Variants in NCAM2 observed in about 807,000 individuals in gnomAD.
NCAM2 encodes the protein neural cell adhesion molecule 2.
A neutral mutation model predicts 98.1 loss-of-function variants in NCAM2; 30 were observed. The ratio of observed to expected loss-of-function variants is 0.31; its 90% CI spans 0.23 to 0.41. The LOEUF is 0.41. NCAM2 is among the 10% of genes least tolerant of loss of function. NCAM2 has a pLI of 1.00. For missense variants in NCAM2, 867 were observed against 1,005.8 expected (o/e 0.86, Z 1.87); for synonymous variants, 368 against 342.4 (o/e 1.07, Z -0.83).
intron 12 of NCAM2, among the ~76,000 whole-genome samples, chr21:21,435,366 A>T (rs950437239): frequency 6.6e-6 from 1 of 152,106 alleles, no homozygotes; most frequent in Non-Finnish European, 1.5e-5. Flanking sequence ...TCTTGTGCCA[A>T]ACAATTCAGT....
chr21:21,133,635 A>C (rs1037150718), intron 1 of NCAM2, among the ~76,000 whole-genome samples: 5 of 152,214 alleles, frequency 3.3e-5, no homozygotes, highest in African/African-American at 9.6e-5. Flanking sequence ...CTCACCCTCC[A>C]TGATGGAGTC....
intron 12 of NCAM2, among the ~76,000 whole-genome samples, chr21:21,449,720 G>A (rs931556503): frequency 6.6e-5 from 10 of 151,900 alleles, no homozygotes; most frequent in Non-Finnish European, 2.9e-5. Context: ...GGGGTATAGA[G>A]CCATTCCATT....
At chr21:21,182,496 G>A (rs1028237248) in intron 1 of NCAM2, among the ~76,000 whole-genome samples, 6 of 152,136 alleles carry the variant, frequency 3.9e-5, no homozygotes, top group African/African-American at 1.2e-4. Context: ...AAGTTGCAGA[G>A]GCAGTAGCTT....
At chr21:21,423,583 T>C (rs1292740223) in intron 11 of NCAM2, among the ~76,000 whole-genome samples, 1 of 152,154 alleles carries the variant, frequency 6.6e-6, no homozygotes, top group African/African-American at 2.4e-5. Context: ...TTGACTTTTG[T>C]TATTTTTTTC....
intron 15 of NCAM2, among the ~76,000 whole-genome samples, chr21:21,506,809 CATT>C (rs1433925909): frequency 1.3e-5 from 2 of 151,932 alleles, no homozygotes; most frequent in African/African-American, 4.8e-5. Flanking sequence ...GACATTAATA[CATT>C]ATTTTTTTTC....
chr21:21,519,365 G>A (rs544449993), intron 16 of NCAM2, among the ~76,000 whole-genome samples: 3 of 152,030 alleles, frequency 2.0e-5, no homozygotes, highest in African/African-American at 7.2e-5. Flanking sequence ...AAAAGTTGGG[G>A]TTTTTTGGCC....
intron 15 of NCAM2, among the ~76,000 whole-genome samples, chr21:21,486,992 A>G (rs915873543): frequency 6.6e-6 from 1 of 152,038 alleles, no homozygotes; most frequent in African/African-American, 2.4e-5. Context: ...CTATTTCACA[A>G]CTCTGAGATA....
At chr21:21,075,274 T>C (rs2065657023) in intron 1 of NCAM2, among the ~76,000 whole-genome samples, 1 of 152,096 alleles carries the variant, frequency 6.6e-6, no homozygotes, top group African/African-American at 2.4e-5. Context: ...CACCATGGTA[T>C]GTGTATACCT....
chr21:21,240,054 A>G (rs1261715652), intron 1 of NCAM2, among the ~76,000 whole-genome samples: 1 of 152,118 alleles, frequency 6.6e-6, no homozygotes, highest in Non-Finnish European at 1.5e-5. Context: ...CTACAAAATA[A>G]TATTATCACC....
At chr21:21,191,434 A>G (rs2068820003) in intron 1 of NCAM2, among the ~76,000 whole-genome samples, 1 of 152,218 alleles carries the variant, frequency 6.6e-6, no homozygotes, top group Admixed American at 6.5e-5. Flanking sequence ...TTATAATTAT[A>G]TAGTTAAATA....
At chr21:21,453,392 A>T (rs922918286) in intron 12 of NCAM2, among the ~76,000 whole-genome samples, 22 of 152,012 alleles carry the variant, frequency 1.4e-4, no homozygotes, top group African/African-American at 5.1e-4. Context: ...CTGGAATGGC[A>T]TGATCAGAGA....
At chr21:21,322,917 G>T (rs1365421281) in intron 5 of NCAM2, among the ~76,000 whole-genome samples, 2 of 152,290 alleles carry the variant, frequency 1.3e-5, no homozygotes, top group East Asian at 3.9e-4. Context: ...GTTAGTGGGA[G>T]TTAATAGAAC....
chr21:21,482,890 C>A (rs1208883923), intron 15 of NCAM2, among the ~76,000 whole-genome samples: 1 of 151,810 alleles, frequency 6.6e-6, no homozygotes. Context: ...CAGCATAACT[C>A]CATCTTATTT....
rs1233228714 is a variant in NCAM2, at chr21:21,541,527, G to A, written c.*3570G>A. ...ATATTGTTGAAATTAAATTTTGCCA[G>A]TTGTAAGACAAAGACAACAGATAAC... is the stretch of plus-strand genomic sequence containing the variant. On this transcript the variant is annotated 3_prime_UTR_variant, in exon 18 of 18. Coordinates refer to ENST00000400546, the MANE Select transcript of NCAM2 (RefSeq NM_004540.5). 6.6e-6 allele frequency: 1 copy of A among 151,478 alleles called. No individual in the cohort carries two copies. The highest frequency in any genetic ancestry group is 1.5e-5 in the Non-Finnish European group (1 of 67,708). 9.4% of individuals were successfully genotyped at this position (151,478 alleles called of 1,614,324 possible).
intron 9 of NCAM2, among the ~76,000 whole-genome samples, chr21:21,396,038 T>C (rs1292398349): frequency 1.3e-5 from 2 of 151,314 alleles, no homozygotes; most frequent in South Asian, 2.1e-4. Context: ...AAAAAATTTC[T>C]CTACAGAAAA....
intron 8 of NCAM2, among the ~76,000 whole-genome samples, chr21:21,345,926 C>T (rs891315701): frequency 6.6e-6 from 1 of 151,910 alleles, no homozygotes; most frequent in Non-Finnish European, 1.5e-5. Flanking sequence ...AAAACTAAAT[C>T]ATATCACCAG....
At chr21:21,004,291 C>T (rs574475484) in intron 1 of NCAM2, among the ~76,000 whole-genome samples, 23 of 152,180 alleles carry the variant, frequency 1.5e-4, no homozygotes, top group African/African-American at 3.4e-4. Context: ...CTAACAGTAC[C>T]GACCACTTGT....
At chr21:21,416,230 C>T (rs1602273514) in intron 10 of NCAM2, among the ~76,000 whole-genome samples, 1 of 152,056 alleles carries the variant, frequency 6.6e-6, no homozygotes, top group African/African-American at 2.4e-5. Flanking sequence ...AGGGTACGGC[C>T]AGTCAGTGGA....
intron 14 of NCAM2, among the ~76,000 whole-genome samples, chr21:21,473,452 T>C (rs994388569): frequency 5.5e-5 from 8 of 146,564 alleles, no homozygotes; most frequent in African/African-American, 2.0e-4. Context: ...GCAAATGGAG[T>C]TTTAAATAAT....
Sources: gnomAD v4.1 joint callset for allele counts (sites outside exome capture counted in the v4.1 genomes callset) on GRCh38, gnomAD v4.1.1 for gene constraint, MANE v1.5 for transcripts, NCBI Gene and HGNC (gene_info 2026-07-23, HGNC 2026-07-21) for gene names.